Variants in ITPR3 observed in about 807,000 individuals in gnomAD.
ITPR3 encodes the protein inositol 1,4,5-trisphosphate-gated calcium channel ITPR3.
A neutral mutation model predicts 293.2 loss-of-function variants in ITPR3; 173 were observed. That is an observed-to-expected ratio of 0.59 (90% CI 0.52 to 0.67). The LOEUF (loss-of-function observed/expected upper bound fraction) is 0.67, where lower values mean the gene tolerates loss of function less well. Among genes scored for constraint, ITPR3 ranks in the 30% least tolerant of loss-of-function variants. The pLI is 0.00. For missense variants in ITPR3, 2,796 were observed against 3,592.1 expected (o/e 0.78, Z 5.66); for synonymous variants, 1,295 against 1,444.4 (o/e 0.90, Z 2.35).
Position 33,682,303 on chromosome 6 carries a change from G to A in ITPR3, c.4477-221G>A, listed in dbSNP as rs1561876923. Reference sequence around the variant, plus strand: ...GTCAGCAACATGGCTATGAGCCCACGGCCTTGGTGAGTTACAGGGCTGCCG... The same window carrying A: ...GTCAGCAACATGGCTATGAGCCCACAGCCTTGGTGAGTTACAGGGCTGCCG... On this transcript the variant is annotated intron_variant, in intron 33 of 57. Coordinates refer to ENST00000605930, the MANE Select transcript of ITPR3 (RefSeq NM_002224.4). This position sits in a 1 kb window ranked among gnomAD's most constrained non-coding sequence, Gnocchi z 5.4. 6.6e-6 allele frequency among the ~76,000 whole-genome samples: 1 copy of A among 152,110 alleles called. No individual in the cohort carries two copies. Among genetic ancestry groups the A allele is most frequent in the Admixed American group, 6.5e-5 (1 of 15,278 alleles).
rs1765217273 is a variant in ITPR3 at position 33,685,884 on chromosome 6, T to A, written c.5667+57T>A. The A allele has an allele frequency of 4.5e-6, 7 of 1,543,338 alleles. No homozygotes were observed. In the South Asian group the frequency reaches 8.6e-5, roughly 19 times the overall value. On this transcript the variant is annotated intron_variant, in intron 41 of 57. Coordinates refer to ENST00000605930, the MANE Select transcript of ITPR3 (RefSeq NM_002224.4). ...CCCGCTGGCCAGCCGGCATGCAGACTAGGCAGTGTGGCTGGTGTCCCTCTA... is the reference window on the plus strand; with the variant it reads ...CCCGCTGGCCAGCCGGCATGCAGACAAGGCAGTGTGGCTGGTGTCCCTCTA...
At chr6:33,649,051 C>T (rs4713650) in intron 2 of ITPR3, among the ~76,000 whole-genome samples, 95,137 of 151,812 alleles carry the variant, frequency 0.63, 29,836 homozygotes, top group East Asian at 0.68. Flanking sequence ...TATAGGCTTG[C>T]GCCACCATGT....
chr6:33,690,344 T>C, intron 51 of ITPR3, 146 bp downstream of exon 51: 1 of 845,496 alleles, frequency 1.2e-6, no homozygotes, highest in Non-Finnish European at 1.8e-6. Context: ...AGAGTCTTCA[T>C]CTGCCTGACC....
In ITPR3 at chr6:33,687,193, A is replaced by G; in HGVS notation, c.6076-33A>G. The G allele has an allele frequency of 6.3e-7, 1 of 1,597,592 alleles. No homozygotes were observed. The highest frequency in any genetic ancestry group is 8.6e-7 in the Non-Finnish European group (1 of 1,165,530). On this transcript the variant is annotated intron_variant, in intron 44 of 57. Coordinates refer to ENST00000605930, the MANE Select transcript of ITPR3 (RefSeq NM_002224.4). This position sits in a 1 kb window ranked among gnomAD's most constrained non-coding sequence, Gnocchi z 5.3. ...GCCCGGCTGGCCCTACCGCCCTAGG[A>G]AGAGAGCATTGGAACAGGCACTGCC...
At chr6:33,646,128 ACCT>A (rs926997250) in intron 2 of ITPR3, among the ~76,000 whole-genome samples, 1 of 152,012 alleles carries the variant, frequency 6.6e-6, no homozygotes, top group Non-Finnish European at 1.5e-5. Flanking sequence ...GAGCCACCAC[ACCT>A]GGCCGAAAAT....
chr6:33,680,241 C>A, intron 31 of ITPR3, 88 bp from the exon 32 acceptor site: 1 of 1,571,730 alleles, frequency 6.4e-7, no homozygotes, highest in South Asian at 1.2e-5. Context: ...TGGGCAGGAA[C>A]CGGAGGCCAG....
rs1180684625 is a variant in ITPR3, at chr6:33,638,246, C to T, written c.90-2238C>T. On this transcript the variant is annotated intron_variant, in intron 1 of 57. Coordinates refer to ENST00000605930, the MANE Select transcript of ITPR3 (RefSeq NM_002224.4). This position sits in a 1 kb window ranked among gnomAD's most constrained non-coding sequence, Gnocchi z 4.3. ...GTCTCGAACTCCTGACTTAATGATC[C>T]ACCCGCCTCAGCCTCCCAAAGTGCA... Among the ~76,000 whole-genome samples the T allele has an allele frequency of 1.3e-5, 2 of 151,252 alleles. No homozygotes were observed. The highest frequency in any genetic ancestry group is 6.6e-5 in the Admixed American group (1 of 15,192).
chr6:33,659,698 C>A, intron 7 of ITPR3, 149 bp downstream of exon 7: 1 of 658,198 alleles, frequency 1.5e-6, no homozygotes. Context: ...TCCACAGGGC[C>A]CCACCCACAT....
intron 39 of ITPR3, 71 bp from the exon 40 acceptor site, chr6:33,685,288 G>C: frequency 7.0e-7 from 1 of 1,435,356 alleles, no homozygotes. Context: ...AGTGTGGTGT[G>C]CCTGCCCCAC....
intron 3 of ITPR3, among the ~76,000 whole-genome samples, chr6:33,657,700 C>T (rs1314220507): frequency 6.6e-6 from 1 of 151,816 alleles, no homozygotes; most frequent in African/African-American, 2.4e-5. Context: ...ATTTGGCTCC[C>T]TGGGCTGTGT....
Position 33,677,105 on chromosome 6 carries a change from T to A in ITPR3, c.3522+16T>A, listed in dbSNP as rs1374611201. On this transcript the variant is annotated intron_variant, in intron 27 of 57. Coordinates refer to ENST00000605930, the MANE Select transcript of ITPR3 (RefSeq NM_002224.4). The stretch of plus-strand genomic sequence containing the variant: ...CGTCAAGGGCGTGAGTGGCCAAGGG[T>A]CCTCGGGGTAGGGATCTGCAGCCCC... 1 of 1,611,648 alleles carries A rather than the reference T, an allele frequency of 6.2e-7. No homozygotes were observed. The highest frequency in any genetic ancestry group is 1.1e-5 in the South Asian group (1 of 91,022).
chr6:33,638,774 C>A lies in ITPR3; in HGVS notation c.90-1710C>A, dbSNP rs1219166739. On this transcript the variant is annotated intron_variant, in intron 1 of 57. Transcript: ENST00000605930. This position sits in a 1 kb window ranked among gnomAD's most constrained non-coding sequence, Gnocchi z 4.3. ...TCTCAAGGAACTCACAGTGTAGACACAGCAAGTCAAGAAGTGGGGAGAGAC... is the reference window on the plus strand; with the variant it reads ...TCTCAAGGAACTCACAGTGTAGACAAAGCAAGTCAAGAAGTGGGGAGAGAC... Among the ~76,000 whole-genome samples, 1 of 152,220 alleles carries A rather than the reference C, an allele frequency of 6.6e-6. No individual in the cohort carries two copies. The highest frequency in any genetic ancestry group is 1.5e-5 in the Non-Finnish European group (1 of 68,042).
At chr6:33,673,470 C>T in intron 22 of ITPR3, 121 bp from the exon 23 acceptor site, 1 of 1,292,662 alleles carries the variant, frequency 7.7e-7, no homozygotes, top group Non-Finnish European at 1.1e-6. Flanking sequence ...ACCCTGCTGC[C>T]CCAAGTGCTA....
chr6:33,623,844 C>T (rs1323726103), intron 1 of ITPR3, among the ~76,000 whole-genome samples: 1 of 152,150 alleles, frequency 6.6e-6, no homozygotes. Flanking sequence ...CCTCCCTCTG[C>T]AAACACCTCC....
chr6:33,667,987 G>C lies in ITPR3; in HGVS notation c.1886+23G>C, dbSNP rs372817939. ...CAGGTGGGCCCGAACCCCCTCCCCG[G>C]CCGGCGCCTGCTCCTCCCTCCTCCC... On this transcript the variant is annotated intron_variant, in intron 16 of 57. Transcript: ENST00000605930. The surrounding 1 kb of genome is among the most constrained non-coding windows in gnomAD (Gnocchi z 4.4). The C allele has an allele frequency of 3.5e-5, 56 of 1,612,168 alleles. 1 individual carries two copies. The African/African-American group carries it at 6.4e-4, about 18-fold the overall frequency.
At chr6:33,685,319 C>T (rs1328337781) in intron 39 of ITPR3, 40 bp from the exon 40 acceptor site, 1 of 1,570,888 alleles carries the variant, frequency 6.4e-7, no homozygotes, top group Non-Finnish European at 8.7e-7. Context: ...GGAGCAGGGC[C>T]CAGTGCTGAG....
At position 33,682,524 on chromosome 6, in the gene ITPR3, A is replaced by C; in HGVS notation, c.4477A>C (p.Thr1493Pro). The C allele has an allele frequency of 6.6e-7, 1 of 1,521,932 alleles. No homozygotes were observed. Among genetic ancestry groups the C allele is most frequent in the Non-Finnish European group, 8.8e-7 (1 of 1,133,176 alleles). 94.3% of individuals were successfully genotyped at this position (1,521,932 alleles called of 1,614,324 possible). ...PFSENSTSLQTHQTIVVQLLQ... is the reference protein window; with the variant it reads ...PFSENSTSLQPHQTIVVQLLQ... ...CAGCGGGCTCTGTGACTTCTTGCAG[A>C]CACACCAGACGATTGTGGTGCAGCT... Residue 1493 changes from threonine to proline, a missense_variant and splice_region_variant, in exon 34 of 58, where the codon ACA becomes CCA. Thr to Pro is a conservative substitution (Grantham distance 38). This residue lies in a region of ITPR3 where 704 missense variants were observed against 797.5 expected (regional missense o/e 0.88). Transcript: ENST00000605930. This position sits in a 1 kb window ranked among gnomAD's most constrained non-coding sequence, Gnocchi z 5.4.
Position 33,686,119 on chromosome 6 carries a change from G to A in ITPR3, c.5734G>A (p.Asp1912Asn), listed in dbSNP as rs1357490253. 2 of 1,614,074 alleles carry A rather than the reference G, an allele frequency of 1.2e-6. No homozygotes were observed. The highest frequency in any genetic ancestry group is 1.7e-5 in the Admixed American group (1 of 60,010). Residue 1912 changes from aspartate to asparagine, a missense_variant, in exon 42 of 58, where the codon GAC (aspartate) becomes AAC (asparagine). By Grantham distance (23) the Asp-to-Asn change is conservative. Coordinates refer to ENST00000605930, the MANE Select transcript of ITPR3 (RefSeq NM_002224.4). The stretch of plus-strand genomic sequence containing the variant: ...GGTATGCGAGACGCTGCAGTTCCTG[G>A]ACATCATGTGCGGCAGCACCACGGG... ...NLVCETLQFL[D>N]IMCGSTTGGL...
chr6:33,670,522 C>T lies in ITPR3; in HGVS notation c.2387C>T (p.Pro796Leu), dbSNP rs762693746. ...VDRDPQELVT[P>L]VKFARLWTEI... ...CGTGACCCCCAGGAGCTGGTCACGC[C>T]GGTCAAGTTTGCCCGTCTCTGGACT... Residue 796 changes from proline to leucine, a missense_variant, in exon 19 of 58, where the codon CCG (proline) becomes CTG (leucine). By Grantham distance (98) the Pro-to-Leu change is moderately conservative. This residue lies in a region of ITPR3 where 955 missense variants were observed against 1,180.8 expected (regional missense o/e 0.81). Coordinates refer to ENST00000605930, the MANE Select transcript of ITPR3 (RefSeq NM_002224.4). The surrounding 1 kb of genome is among the most constrained non-coding windows in gnomAD (Gnocchi z 6.7). The T allele has an allele frequency of 6.9e-6, 11 of 1,584,968 alleles. No individual in the cohort carries two copies. The highest frequency in any genetic ancestry group is 4.7e-5 in the East Asian group (2 of 42,706).
Sources: allele counts gnomAD v4.1 joint callset (sites outside exome capture counted in the v4.1 genomes callset), GRCh38; gene constraint gnomAD v4.1.1; regional missense constraint gnomAD v4.1.1; non-coding constraint Gnocchi (gnomAD v3.1); transcripts MANE v1.5; gene names NCBI Gene and HGNC (gene_info 2026-07-23, HGNC 2026-07-21).